Variants in PPARA observed in about 807,000 individuals in gnomAD.
PPARA encodes peroxisome proliferator-activated receptor alpha.
PPARA carries 22 observed loss-of-function variants against 42.2 expected under a neutral mutation model. That is an observed-to-expected ratio of 0.52 (90% CI 0.37 to 0.74). PPARA has a LOEUF of 0.74. Ranked by LOEUF, PPARA falls within the 30% of genes least tolerant of loss-of-function variation. PPARA has a pLI of 0.00. For synonymous variants in PPARA, 242 were observed against 239.3 expected (o/e 1.01, Z -0.10); for missense variants, 465 against 608.2 (o/e 0.76, Z 2.48).
intron 2 of PPARA, among the ~76,000 whole-genome samples, chr22:46,152,251 G>A (rs894331464): frequency 2.1e-5 from 3 of 143,978 alleles, no homozygotes; most frequent in African/African-American, 5.2e-5. Context: ...CGATTCTCTT[G>A]CCTCAGCCTC....
At chr22:46,207,781 T>A (rs1933535544) in intron 4 of PPARA, among the ~76,000 whole-genome samples, 1 of 147,226 alleles carries the variant, frequency 6.8e-6, no homozygotes, top group Non-Finnish European at 1.5e-5. Context: ...ACACCTGGTC[T>A]CAAGCAATCG....
intron 3 of PPARA, among the ~76,000 whole-genome samples, chr22:46,177,482 A>AAAC (rs1353248445): frequency 6.7e-6 from 1 of 150,222 alleles, no homozygotes; most frequent in African/African-American, 2.5e-5. Context: ...AAAAAAAAAA[A>AAAC]TCGATAGTAT....
At chr22:46,170,230 G>T (rs1474180963) in intron 2 of PPARA, among the ~76,000 whole-genome samples, 2 of 150,778 alleles carry the variant, frequency 1.3e-5, no homozygotes, top group South Asian at 2.1e-4. Context: ...TGTGTTTTTG[G>T]TGGCAGGGGG....
In PPARA at chr22:46,210,845, G is replaced by A. The variant is rs908244945; in HGVS notation, c.209-4328G>A. On this transcript the variant is annotated intron_variant, in intron 4 of 8. Coordinates refer to ENST00000407236, the MANE Select transcript of PPARA (RefSeq NM_005036.6). ...GAACTTTGTTCTGGGATGCAATTAA[G>A]TTACTTGGAAAATCTTTGATCCTTT... Among the ~76,000 whole-genome samples, 7 of 152,194 alleles carry A rather than the reference G, an allele frequency of 4.6e-5. No individual in the cohort carries two copies. The East Asian group carries it at 5.8e-4, about 13-fold the overall frequency.
rs951444925 is a variant in PPARA at position 46,215,022 on chromosome 22, C to A, written c.209-151C>A. On this transcript the variant is annotated intron_variant, in intron 4 of 8. Coordinates refer to ENST00000407236, the MANE Select transcript of PPARA (RefSeq NM_005036.6). ...CTGTAGGAGTGCAAGAGGGTGTGAC[C>A]CAGAGGCAGGGCCCGGCCCCGCATG... 4 of 915,830 alleles carry A rather than the reference C, an allele frequency of 4.4e-6. No homozygotes were observed. The African/African-American group carries it at 4.9e-5, about 11-fold the overall frequency. The allele number at this position is 915,830 out of a possible 1,614,324, so 56.7% of individuals were successfully genotyped here.
intron 1 of PPARA, among the ~76,000 whole-genome samples, 173 bp from the exon 2 acceptor site, chr22:46,151,715 T>A (rs900374352): frequency 2.6e-5 from 4 of 152,078 alleles, no homozygotes; most frequent in African/African-American, 4.8e-5. Context: ...GGGATAAGGG[T>A]GCCTTGGGGA....
intron 4 of PPARA, among the ~76,000 whole-genome samples, chr22:46,213,930 A>G (rs1934192745): frequency 6.6e-6 from 1 of 152,156 alleles, no homozygotes; most frequent in Non-Finnish European, 1.5e-5. Context: ...ACCTCTTTGT[A>G]TATTACCACA....
chr22:46,201,670 C>T (rs927042044), intron 4 of PPARA, among the ~76,000 whole-genome samples: 1 of 152,058 alleles, frequency 6.6e-6, no homozygotes, highest in African/African-American at 2.4e-5. Context: ...CCCAGAGCAG[C>T]CTTGTGAGGT....
intron 2 of PPARA, among the ~76,000 whole-genome samples, chr22:46,168,395 A>G (rs912457478): frequency 3.4e-5 from 5 of 149,032 alleles, no homozygotes; most frequent in African/African-American, 4.9e-5. Context: ...AGCATAAACT[A>G]TAAAAGAAAA....
chr22:46,159,195 G>GTTT (rs4253631), intron 2 of PPARA, among the ~76,000 whole-genome samples: 59,188 of 151,736 alleles, frequency 0.39, 13,858 homozygotes, highest in African/African-American at 0.66. Context: ...CCTGGCTTCT[G>GTTT]TTCTATCTGT....
Position 46,219,937 on chromosome 22 carries a change from G to A in PPARA, c.634G>A (p.Glu212Lys), listed in dbSNP as rs200757678. The change falls in exon 7 of 9, where the codon GAG becomes AAG. Residue 212 changes from glutamate to lysine, a missense_variant. Glu to Lys is a moderately conservative substitution (Grantham distance 56, BLOSUM62 1). Transcript: ENST00000407236. The surrounding 1 kb of genome is among the most constrained non-coding windows in gnomAD (Gnocchi z 4.8). ...DLKSLAKRIY[E>K]AYLKNFNMNK... is the part of the protein sequence containing the mutation. ...CAAATCTCTGGCCAAGAGAATCTAC[G>A]AGGCCTACTTGAAGAACTTCAACAT... is the stretch of plus-strand genomic sequence containing the variant. The A allele has an allele frequency of 6.3e-5, 102 of 1,614,152 alleles. No homozygotes were observed. Among genetic ancestry groups the A allele is most frequent in the Admixed American group, 1.7e-4 (10 of 60,012 alleles).
In PPARA at chr22:46,233,094, T is replaced by TTA. The variant is rs1303859030; in HGVS notation, c.1159+860_1159+861dup. On this transcript the variant is annotated intron_variant, in intron 8 of 8. Transcript: ENST00000407236. The surrounding 1 kb of genome is among the most constrained non-coding windows in gnomAD (Gnocchi z 7.3). ...ATATATTATGATATTCCTGTATATA[T>TTA]TATATAATGATGTTGTATTCATATT... Among the ~76,000 whole-genome samples the TTA allele has an allele frequency of 2.6e-5, 4 of 151,802 alleles. No individual in the cohort carries two copies. In the East Asian group the frequency reaches 7.7e-4, roughly 29 times the overall value.
At chr22:46,214,901 G>A (rs1934323480) in intron 4 of PPARA, among the ~76,000 whole-genome samples, 1 of 152,098 alleles carries the variant, frequency 6.6e-6, no homozygotes, top group Non-Finnish European at 1.5e-5. Flanking sequence ...CGGGTCCAGG[G>A]ATGTGTGATC....
intron 2 of PPARA, among the ~76,000 whole-genome samples, chr22:46,159,106 G>T (rs1335002676): frequency 6.6e-6 from 1 of 151,898 alleles, no homozygotes; most frequent in African/African-American, 2.4e-5. Flanking sequence ...GGCCAGGCTG[G>T]GTCTCAAACT....
intron 4 of PPARA, among the ~76,000 whole-genome samples, chr22:46,202,459 C>T (rs551998409): frequency 2.0e-5 from 3 of 151,854 alleles, no homozygotes; most frequent in Admixed American, 6.6e-5. Flanking sequence ...AAAAGCAGGC[C>T]GGGCACGGTG....
At position 46,177,011 on chromosome 22, in the gene PPARA, C is replaced by T. The variant is rs149871487; in HGVS notation, c.-43+175C>T. The stretch of plus-strand genomic sequence containing the variant: ...AGATCACGAGGTTAGGAGATTGAGA[C>T]CATCCTGGCTAACACAGTGAAACCC... On this transcript the variant is annotated intron_variant, in intron 3 of 8. Coordinates refer to ENST00000407236, the MANE Select transcript of PPARA (RefSeq NM_005036.6). Among the ~76,000 whole-genome samples the T allele has an allele frequency of 1.0e-2, 1,517 of 152,300 alleles. 14 individuals carry two copies. Among genetic ancestry groups the T allele is most frequent in the Non-Finnish European group, 0.015 (1,021 of 68,024 alleles).
chr22:46,207,284 T>C (rs1261703707), intron 4 of PPARA, among the ~76,000 whole-genome samples: 3 of 146,602 alleles, frequency 2.0e-5, no homozygotes, highest in Non-Finnish European at 3.0e-5. Context: ...GCAATTTTTT[T>C]TTTTTTTTTT....
At chr22:46,198,176 T>G (rs1314872630) in intron 3 of PPARA, among the ~76,000 whole-genome samples, 166 bp from the exon 4 acceptor site, 5 of 140,260 alleles carry the variant, frequency 3.6e-5, no homozygotes, top group African/African-American at 1.4e-4. Flanking sequence ...AGGCGGAGCT[T>G]GCAGTGAGCC....
In PPARA at chr22:46,227,240, C is replaced by T. The variant is rs954254978; in HGVS notation, c.712-4552C>T. ...CCAAAGCAGTTCTACCAGTGCTTCA[C>T]ATTTATTTTTTATTTATTTATTTAT... On this transcript the variant is annotated intron_variant, in intron 7 of 8. Coordinates refer to ENST00000407236, the MANE Select transcript of PPARA (RefSeq NM_005036.6). The surrounding 1 kb of genome is among the most constrained non-coding windows in gnomAD (Gnocchi z 4.3). Among the ~76,000 whole-genome samples the T allele has an allele frequency of 1.3e-5, 2 of 151,922 alleles. No homozygotes were observed. Among genetic ancestry groups the T allele is most frequent in the Non-Finnish European group, 2.9e-5 (2 of 67,978 alleles).
Sources: allele counts gnomAD v4.1 joint callset (sites outside exome capture counted in the v4.1 genomes callset), GRCh38; gene constraint gnomAD v4.1.1; non-coding constraint Gnocchi (gnomAD v3.1); transcripts MANE v1.5; gene names NCBI Gene and HGNC (gene_info 2026-07-23, HGNC 2026-07-21).